The following KATNAL2 variants were observed in gnomAD, a reference collection of about 807,000 sequenced individuals.
The protein encoded by KATNAL2 is katanin p60 ATPase-containing subunit A-like 2.
In KATNAL2, 52 loss-of-function variants were observed where a neutral mutation model predicts 76.3. The ratio of observed to expected loss-of-function variants is 0.68; its 90% CI spans 0.55 to 0.86. The LOEUF (loss-of-function observed/expected upper bound fraction) is 0.86, where lower values mean the gene tolerates loss of function less well. Ranked by LOEUF, KATNAL2 falls within the 40% of genes least tolerant of loss-of-function variation. KATNAL2 has a pLI of 0.00. For synonymous variants in KATNAL2, 243 were observed against 244.2 expected (o/e 1.00, Z 0.05); for missense variants, 660 against 668.9 (o/e 0.99, Z 0.15).
rs1393145784 is a variant in KATNAL2 at position 47,070,935 on chromosome 18, C to A, written c.1008+1335C>A. On this transcript the variant is annotated intron_variant, in intron 13 of 17. Transcript: ENST00000683218. ...CGAAGATGGGGCTTGAATTTAGCTG[C>A]ACCTACAGTTATGGTTCCATGTGAT... Among the ~76,000 whole-genome samples the A allele has an allele frequency of 2.0e-5, 3 of 152,280 alleles. No homozygotes were observed. In the East Asian group the frequency reaches 5.8e-4, roughly 29 times the overall value.
Position 47,102,009 on chromosome 18 carries a change from C to T in KATNAL2, c.*1004C>T, listed in dbSNP as rs1281762246. On this transcript the variant is annotated 3_prime_UTR_variant, in exon 18 of 18. Coordinates refer to ENST00000683218, the MANE Select transcript of KATNAL2 (RefSeq NM_001387690.1). ...CCTTCTTTTCTCTTCCTTGCCTTGT[C>T]TTCATCATCCCTGCAGACAGACTCT... 1 of 152,168 alleles carries T rather than the reference C, an allele frequency of 6.6e-6. No homozygotes were observed. The highest frequency in any genetic ancestry group is 1.5e-5 in the Non-Finnish European group (1 of 68,040). 9.4% of individuals were successfully genotyped at this position (152,168 alleles called of 1,614,324 possible).
Position 47,101,238 on chromosome 18 carries a change from G to C in KATNAL2, c.*233G>C, listed in dbSNP as rs1171138075. ...GTTACATACATATATGTGCTATTGGGTCATACAATGGAGATTTTTCTGACA... is the reference window on the plus strand; with the variant it reads ...GTTACATACATATATGTGCTATTGGCTCATACAATGGAGATTTTTCTGACA... On this transcript the variant is annotated 3_prime_UTR_variant, in exon 18 of 18. Coordinates refer to ENST00000683218, the MANE Select transcript of KATNAL2 (RefSeq NM_001387690.1). The C allele has an allele frequency of 4.7e-6, 2 of 421,082 alleles. No homozygotes were observed. The highest frequency in any genetic ancestry group is 4.3e-6 in the Non-Finnish European group (1 of 231,094). 26.1% of individuals were successfully genotyped at this position (421,082 alleles called of 1,614,324 possible). A position where few individuals can be genotyped will look rare whatever the true frequency, so the allele number is the denominator to read the frequency against.
At chr18:47,077,709 G>T (rs542702093) in intron 15 of KATNAL2, among the ~76,000 whole-genome samples, 2 of 152,246 alleles carry the variant, frequency 1.3e-5, no homozygotes, top group African/African-American at 4.8e-5. Context: ...CAAGATTAAA[G>T]CCAAATTACA....
intron 17 of KATNAL2, 99 bp from the exon 18 acceptor site, chr18:47,100,767 C>A: frequency 7.2e-7 from 1 of 1,382,436 alleles, no homozygotes; most frequent in South Asian, 1.3e-5. Context: ...AAGAATGCTG[C>A]ATTATGCATT....
At chr18:46,918,448 G>A (rs1052208195) in intron 1 of KATNAL2, among the ~76,000 whole-genome samples, 11 of 151,770 alleles carry the variant, frequency 7.2e-5, no homozygotes, top group African/African-American at 2.7e-4. Context: ...CCCTGCCCCC[G>A]CACCCCGCAA....
intron 1 of KATNAL2, among the ~76,000 whole-genome samples, chr18:46,935,733 T>G (rs1245990428): frequency 8.5e-5 from 13 of 152,120 alleles, no homozygotes; most frequent in Admixed American, 7.9e-4. Flanking sequence ...CTGATCAACA[T>G]GGTGAAACCC....
At chr18:46,919,692 G>A (rs1221707685) in intron 1 of KATNAL2, among the ~76,000 whole-genome samples, 2 of 152,136 alleles carry the variant, frequency 1.3e-5, no homozygotes, top group African/African-American at 4.8e-5. Context: ...TTAAAAAATT[G>A]TAAACCCACT....
intron 1 of KATNAL2, among the ~76,000 whole-genome samples, chr18:46,927,047 G>C (rs1235542584): frequency 2.0e-5 from 3 of 152,132 alleles, no homozygotes; most frequent in Non-Finnish European, 4.4e-5. Context: ...CAATTTTCCA[G>C]TCTGTGTCTT....
chr18:46,936,894 G>A (rs1207201302), intron 1 of KATNAL2, among the ~76,000 whole-genome samples: 1 of 152,164 alleles, frequency 6.6e-6, no homozygotes, highest in African/African-American at 2.4e-5. Context: ...GGCGGAGGTT[G>A]CAGTGAGACA....
chr18:46,957,852 G>A (rs559904096), intron 3 of KATNAL2, among the ~76,000 whole-genome samples: 7 of 152,088 alleles, frequency 4.6e-5, no homozygotes, highest in South Asian at 2.1e-4. Context: ...GTGAGCCACC[G>A]CGCCCAGCCT....
chr18:47,041,786 C>G (rs542702605), intron 3 of KATNAL2, among the ~76,000 whole-genome samples: 1 of 152,302 alleles, frequency 6.6e-6, no homozygotes, highest in East Asian at 1.9e-4. Flanking sequence ...TTTAAAAAAA[C>G]CTGCCAAAGT....
intron 6 of KATNAL2, 31 bp downstream of exon 6, chr18:47,054,469 C>T (rs773799365): frequency 4.4e-5 from 71 of 1,606,502 alleles, no homozygotes; most frequent in Non-Finnish European, 5.7e-5. Context: ...TCTTAATCGA[C>T]TCGGCTCGAG....
chr18:47,100,954 G>C lies in KATNAL2; in HGVS notation c.1566G>C (p.Lys522Asn), dbSNP rs1260111002. Residue 522 changes from lysine (K) to asparagine (N), a missense_variant, in exon 18 of 18, where the codon AAG (lysine) becomes AAC (asparagine). Lys to Asn is a moderately conservative substitution (Grantham distance 94). Coordinates refer to ENST00000683218, the MANE Select transcript of KATNAL2 (RefSeq NM_001387690.1). ...DVLTHTKPSA[K>N]NLAQRYSDWQ... ...TAACTCACACCAAGCCCTCCGCAAA[G>C]AATCTGGCTCAGAGATACTCAGACT... is the stretch of plus-strand genomic sequence containing the variant. The C allele has an allele frequency of 2.5e-6, 4 of 1,614,006 alleles. No homozygotes were observed. In the African/African-American group the frequency reaches 4.0e-5, roughly 16 times the overall value.
intron 10 of KATNAL2, 65 bp downstream of exon 10, chr18:47,063,426 C>G: frequency 8.1e-7 from 1 of 1,237,954 alleles, no homozygotes. Context: ...GCTTTGTGGG[C>G]TGCTTCTTTT....
chr18:47,083,367 T>A (rs1482673225), intron 15 of KATNAL2, among the ~76,000 whole-genome samples: 2 of 152,244 alleles, frequency 1.3e-5, no homozygotes, highest in Non-Finnish European at 2.9e-5. Context: ...TACCAAGTGA[T>A]CTAAAGACCC....
At chr18:47,081,131 T>TCTTTCTCTCTTCCTTC (rs2062497804) in intron 15 of KATNAL2, among the ~76,000 whole-genome samples, 1 of 151,868 alleles carries the variant, frequency 6.6e-6, no homozygotes. Flanking sequence ...TCCATCACTT[T>TCTTTCTCTCTTCCTTC]CTTTCTCTCT....
chr18:46,945,213 C>T (rs1485062287), intron 1 of KATNAL2, among the ~76,000 whole-genome samples: 2 of 152,208 alleles, frequency 1.3e-5, no homozygotes, highest in Admixed American at 6.5e-5. Context: ...CAAAGAATCA[C>T]ATTTTTAACT....
At chr18:46,959,671 T>G (rs2059876642) in intron 3 of KATNAL2, among the ~76,000 whole-genome samples, 1 of 152,128 alleles carries the variant, frequency 6.6e-6, no homozygotes, top group Non-Finnish European at 1.5e-5. Flanking sequence ...CCTCCCAGGT[T>G]CAAGTTTTTC....
chr18:47,095,188 G>T (rs1309806606), intron 15 of KATNAL2, among the ~76,000 whole-genome samples: 1 of 152,152 alleles, frequency 6.6e-6, no homozygotes, highest in East Asian at 1.9e-4. Flanking sequence ...AACTCTTTCA[G>T]TGGTGTTTAG....
Sources: allele counts gnomAD v4.1 joint callset (sites outside exome capture counted in the v4.1 genomes callset), GRCh38; gene constraint gnomAD v4.1.1; transcripts MANE v1.5; gene names NCBI Gene and HGNC (gene_info 2026-07-23, HGNC 2026-07-21).